Variants in NTNG1 observed in about 807,000 individuals in gnomAD.
NTNG1 encodes netrin G1.
NTNG1 carries 16 observed loss-of-function variants against 54.0 expected under a neutral mutation model. That is an observed-to-expected ratio of 0.30 (90% confidence interval 0.20 to 0.45). The LOEUF (loss-of-function observed/expected upper bound fraction) is 0.45. NTNG1 is among the 20% of genes least tolerant of loss of function. NTNG1 has a pLI of 1.00. For missense variants in NTNG1, 530 were observed against 678.7 expected, an observed-to-expected ratio of 0.78 and a Z score of 2.43; for synonymous variants, 255 against 263.1, an observed-to-expected ratio of 0.97 and a Z score of 0.30.
chr1:107,386,914 A>G (rs752116029), intron 3 of NTNG1, among the ~76,000 whole-genome samples: 1 of 152,198 alleles, frequency 6.6e-6, no homozygotes, highest in Non-Finnish European at 1.5e-5. Context: ...AGCATTTGTT[A>G]TCATCCATCT....
chr1:107,301,378 C>T (rs534008507), intron 2 of NTNG1, among the ~76,000 whole-genome samples: 1 of 152,236 alleles, frequency 6.6e-6, no homozygotes, highest in South Asian at 2.1e-4. Flanking sequence ...GAATGTGGAA[C>T]AGCCTCCAAG....
chr1:107,243,982 A>G (rs1310315579), intron 2 of NTNG1, among the ~76,000 whole-genome samples: 3 of 152,226 alleles, frequency 2.0e-5, no homozygotes, highest in Admixed American at 6.5e-5. Context: ...GACATGAAAA[A>G]TGAAATTACA....
chr1:107,425,623 T>C (rs1674855598), intron 5 of NTNG1, among the ~76,000 whole-genome samples: 1 of 152,154 alleles, frequency 6.6e-6, no homozygotes, highest in African/African-American at 2.4e-5. Flanking sequence ...CTATCATACA[T>C]AGTGCTGCAA....
chr1:107,445,696 A>C (rs1479549783), intron 7 of NTNG1, among the ~76,000 whole-genome samples: 1 of 152,118 alleles, frequency 6.6e-6, no homozygotes, highest in African/African-American at 2.4e-5. Flanking sequence ...TCCAGGGGTC[A>C]GCAAATTCTT....
intron 2 of NTNG1, among the ~76,000 whole-genome samples, chr1:107,317,517 G>T (rs1221295380): frequency 6.6e-6 from 1 of 152,072 alleles, no homozygotes; most frequent in Non-Finnish European, 1.5e-5. Context: ...AGTAATAATT[G>T]ACATTGCTAT....
chr1:107,288,697 G>C (rs1266220392), intron 2 of NTNG1, among the ~76,000 whole-genome samples: 2 of 152,104 alleles, frequency 1.3e-5, no homozygotes, highest in African/African-American at 4.8e-5. Flanking sequence ...ACAAATGAGT[G>C]GGGGTTAAGA....
At chr1:107,141,963 T>A (rs541658033) in intron 1 of NTNG1, among the ~76,000 whole-genome samples, 105 of 152,280 alleles carry the variant, frequency 6.9e-4, no homozygotes, top group African/African-American at 2.5e-3. Flanking sequence ...GCTTTTGAAG[T>A]CCCTTCTTTT....
At chr1:107,147,044 C>A (rs1044399469) in intron 1 of NTNG1, among the ~76,000 whole-genome samples, 3 of 151,966 alleles carry the variant, frequency 2.0e-5, no homozygotes, top group Non-Finnish European at 4.4e-5. Flanking sequence ...AGAAATTATA[C>A]TTTTTAATAC....
chr1:107,481,916 A>C lies in NTNG1; in HGVS notation c.*1076A>C, dbSNP rs1678736802. The C allele has an allele frequency of 6.6e-6, 1 of 152,298 alleles. No individual in the cohort carries two copies. Among genetic ancestry groups the C allele is most frequent in the East Asian group, 1.9e-4 (1 of 5,184 alleles). 9.4% of individuals were successfully genotyped at this position (152,298 alleles called of 1,614,324 possible). On this transcript the variant is annotated 3_prime_UTR_variant, in exon 8 of 8. Coordinates refer to ENST00000370068, the MANE Select transcript of NTNG1 (RefSeq NM_001113226.3). Reference sequence around the variant, plus strand: ...AGGAACAGCCACCAAGCAGTTTCACACTCACTTTACTGATTTCTGTGTGGA... The same window carrying C: ...AGGAACAGCCACCAAGCAGTTTCACCCTCACTTTACTGATTTCTGTGTGGA...
At chr1:107,461,885 T>C (rs1048646489) in intron 7 of NTNG1, among the ~76,000 whole-genome samples, 6 of 152,032 alleles carry the variant, frequency 3.9e-5, no homozygotes, top group African/African-American at 1.2e-4. Context: ...AGGCGTGCCA[T>C]GATATAGGAG....
At chr1:107,474,129 C>T (rs1342089795) in intron 7 of NTNG1, among the ~76,000 whole-genome samples, 1 of 152,138 alleles carries the variant, frequency 6.6e-6, no homozygotes, top group Non-Finnish European at 1.5e-5. Flanking sequence ...ATCTGTCTAG[C>T]AAATAACTAT....
intron 4 of NTNG1, among the ~76,000 whole-genome samples, chr1:107,401,551 A>G (rs1054883002): frequency 6.6e-6 from 1 of 152,186 alleles, no homozygotes; most frequent in African/African-American, 2.4e-5. Context: ...AAACATGATT[A>G]TTCTCAGCAA....
intron 3 of NTNG1, among the ~76,000 whole-genome samples, chr1:107,340,080 G>A (rs560788451): frequency 2.0e-5 from 3 of 152,008 alleles, no homozygotes; most frequent in Admixed American, 6.6e-5. Flanking sequence ...TCTCAATTTC[G>A]TCAAGGTTAT....
intron 5 of NTNG1, chr1:107,410,623 T>C (rs1025680959): frequency 2.0e-5 from 3 of 152,192 alleles, no homozygotes; most frequent in Non-Finnish European, 4.4e-5. Context: ...CCTGATGTGG[T>C]AGGAATTCCT....
At chr1:107,281,231 T>C (rs1264720409) in intron 2 of NTNG1, among the ~76,000 whole-genome samples, 1 of 152,154 alleles carries the variant, frequency 6.6e-6, no homozygotes, top group Non-Finnish European at 1.5e-5. Context: ...CACACAATTA[T>C]GTACATATAA....
chr1:107,257,873 A>T (rs576637162), intron 2 of NTNG1, among the ~76,000 whole-genome samples: 5 of 152,178 alleles, frequency 3.3e-5, no homozygotes, highest in Non-Finnish European at 5.9e-5. Flanking sequence ...AGTATCCTAC[A>T]TTTCCACATT....
At chr1:107,181,763 C>G (rs934947424) in intron 2 of NTNG1, among the ~76,000 whole-genome samples, 1 of 152,080 alleles carries the variant, frequency 6.6e-6, no homozygotes, top group Non-Finnish European at 1.5e-5. Context: ...CTTGGCAATT[C>G]CTTTCTCTAA....
chr1:107,430,860 A>G lies in NTNG1; in HGVS notation c.1198A>G (p.Arg400Gly). Residue 400 changes from arginine (R) to glycine (G), a missense_variant, in exon 6 of 8, where the codon AGG becomes GGG. Around this residue, in one of 2 missense-constraint regions of NTNG1, gnomAD observed 212 missense variants for 213.6 expected, o/e 0.99. Coordinates refer to ENST00000370068, the MANE Select transcript of NTNG1 (RefSeq NM_001113226.3). ...NTRGQHCELC[R>G]LGYFRNASAQ... Reference sequence around the variant, plus strand: ...TAGAGGGCAGCACTGTGAGTTATGCAGGCTGGGCTACTTCAGAAATGCTTC... The same window carrying G: ...TAGAGGGCAGCACTGTGAGTTATGCGGGCTGGGCTACTTCAGAAATGCTTC... 6.2e-7 allele frequency: 1 copy of G among 1,613,284 alleles called. No homozygotes were observed. Among genetic ancestry groups the G allele is most frequent in the Non-Finnish European group, 8.5e-7 (1 of 1,179,564 alleles).
intron 2 of NTNG1, among the ~76,000 whole-genome samples, chr1:107,317,703 C>G (rs1428096305): frequency 1.3e-5 from 2 of 152,058 alleles, no homozygotes; most frequent in Non-Finnish European, 2.9e-5. Context: ...TTCCAGTATC[C>G]TTGTTGCAGA....
Sources: allele counts gnomAD v4.1 joint callset (sites outside exome capture counted in the v4.1 genomes callset), GRCh38; gene constraint gnomAD v4.1.1; regional missense constraint gnomAD v4.1.1; transcripts MANE v1.5; gene names NCBI Gene and HGNC (gene_info 2026-07-23, HGNC 2026-07-21).